Variants in LRP1B observed in about 807,000 individuals in gnomAD.
LRP1B encodes low-density lipoprotein receptor-related protein 1B.
LRP1B carries 217 observed loss-of-function variants against 556.6 expected under a neutral mutation model. That is an observed-to-expected ratio of 0.39 (90% CI 0.35 to 0.44). The LOEUF is 0.44. Ranked by LOEUF, LRP1B falls within the 20% of genes least tolerant of loss-of-function variation. The pLI is 1.00. For synonymous variants in LRP1B, 2,047 were observed against 1,865.8 expected (o/e 1.10, Z -2.50); for missense variants, 5,053 against 5,620.8 (o/e 0.90, Z 3.23).
At chr2:140,837,676 A>G (rs1691955518) in intron 31 of LRP1B, among the ~76,000 whole-genome samples, 1 of 152,090 alleles carries the variant, frequency 6.6e-6, no homozygotes, top group Non-Finnish European at 1.5e-5. Context: ...ATTCTCAGCA[A>G]ACTATCACCA....
intron 1 of LRP1B, among the ~76,000 whole-genome samples, chr2:142,058,377 C>T (rs368779042): frequency 5.9e-5 from 9 of 152,140 alleles, no homozygotes; most frequent in Admixed American, 4.6e-4. Context: ...CCTCCACCTT[C>T]GACCACTCCA....
At chr2:141,639,577 A>C (rs1689255507) in intron 2 of LRP1B, among the ~76,000 whole-genome samples, 1 of 151,098 alleles carries the variant, frequency 6.6e-6, no homozygotes, top group African/African-American at 2.4e-5. Context: ...ATGCTATTGA[A>C]CATTCTCCTG....
At chr2:141,731,538 C>G (rs1693273488) in intron 2 of LRP1B, among the ~76,000 whole-genome samples, 1 of 152,076 alleles carries the variant, frequency 6.6e-6, no homozygotes, top group East Asian at 1.9e-4. Context: ...TATTTTTTTC[C>G]TAAAGCTCAG....
chr2:142,119,307 T>C (rs1378888443), intron 1 of LRP1B, among the ~76,000 whole-genome samples: 1 of 152,186 alleles, frequency 6.6e-6, no homozygotes, highest in Non-Finnish European at 1.5e-5. Flanking sequence ...GTAAAGTATA[T>C]TCTTCCACAA....
chr2:140,867,699 G>A lies in LRP1B; in HGVS notation c.4470C>T (p.Asn1490=), dbSNP rs2105153737. ...TCCACTTATTGGCTTTGGACAATGT[G>A]TTGGTCCTCCAGTCTGTCCAGTAGA... ...SEVYWTDWRT[N]TLSKANKWTG... Residue 1490 remains asparagine, a synonymous_variant, in exon 27 of 91, where the codon AAC becomes AAT. Transcript: ENST00000389484. 1 of 1,613,538 alleles carries A rather than the reference G, an allele frequency of 6.2e-7. No homozygotes were observed. Among genetic ancestry groups the A allele is most frequent in the Middle Eastern group, 1.7e-4 (1 of 6,058 alleles).
At chr2:141,276,334 G>T (rs1306224063) in intron 3 of LRP1B, among the ~76,000 whole-genome samples, 1 of 151,552 alleles carries the variant, frequency 6.6e-6, no homozygotes, top group South Asian at 2.1e-4. Context: ...ACATGTGCAG[G>T]TTTGCTATAT....
chr2:141,808,825 A>G (rs1446296636), intron 2 of LRP1B, among the ~76,000 whole-genome samples: 5 of 152,060 alleles, frequency 3.3e-5, no homozygotes, highest in Admixed American at 3.3e-4. Flanking sequence ...TGCATCTTGT[A>G]TAATATGAAG....
At chr2:142,024,620 G>GTTTTTTTTTTTTTTTT (rs3041443) in intron 1 of LRP1B, among the ~76,000 whole-genome samples, 2 of 131,024 alleles carry the variant, frequency 1.5e-5, no homozygotes, top group African/African-American at 2.9e-5. Flanking sequence ...CAGCTGAAAT[G>GTTTTTTTTTTTTTTTT]TTTTTTTTTT....
intron 3 of LRP1B, among the ~76,000 whole-genome samples, chr2:141,327,895 A>G (rs1361455553): frequency 6.6e-6 from 1 of 152,278 alleles, no homozygotes; most frequent in East Asian, 1.9e-4. Context: ...AGAGAGAGAG[A>G]GAGAGACAGA....
chr2:141,549,158 A>G (rs1685660043), intron 2 of LRP1B, among the ~76,000 whole-genome samples: 1 of 152,214 alleles, frequency 6.6e-6, no homozygotes, highest in Non-Finnish European at 1.5e-5. Flanking sequence ...GTTAGACAAC[A>G]AAGTTTCAAT....
intron 2 of LRP1B, among the ~76,000 whole-genome samples, chr2:141,721,293 G>A (rs939377803): frequency 6.6e-6 from 1 of 152,034 alleles, no homozygotes; most frequent in Non-Finnish European, 1.5e-5. Flanking sequence ...TCATTTGATG[G>A]TGTTATTGCT....
At chr2:141,084,933 G>C (rs1218161426) in intron 7 of LRP1B, among the ~76,000 whole-genome samples, 1 of 152,142 alleles carries the variant, frequency 6.6e-6, no homozygotes, top group African/African-American at 2.4e-5. Context: ...ACAGGCGTGA[G>C]CCACCGCGCC....
chr2:140,290,391 G>C (rs1311929558), intron 84 of LRP1B, among the ~76,000 whole-genome samples: 1 of 152,064 alleles, frequency 6.6e-6, no homozygotes, highest in Non-Finnish European at 1.5e-5. Flanking sequence ...GACAAGGGAT[G>C]ATAAGAACCT....
At chr2:141,766,146 G>T (rs1694725175) in intron 2 of LRP1B, among the ~76,000 whole-genome samples, 1 of 152,132 alleles carries the variant, frequency 6.6e-6, no homozygotes, top group African/African-American at 2.4e-5. Context: ...AGAAAGGATT[G>T]TCAAGAAATA....
At chr2:141,931,918 G>A (rs927657931) in intron 1 of LRP1B, among the ~76,000 whole-genome samples, 9 of 151,966 alleles carry the variant, frequency 5.9e-5, no homozygotes, top group African/African-American at 1.7e-4. Context: ...GTGTCACTTC[G>A]TAATCTATAG....
At chr2:141,801,853 G>A (rs1247006217) in intron 2 of LRP1B, among the ~76,000 whole-genome samples, 5 of 151,908 alleles carry the variant, frequency 3.3e-5, no homozygotes, top group African/African-American at 1.2e-4. Flanking sequence ...TTTAATTGCT[G>A]GATTTTTCTT....
At chr2:140,432,324 C>T (rs1229482167) in intron 66 of LRP1B, among the ~76,000 whole-genome samples, 3 of 152,188 alleles carry the variant, frequency 2.0e-5, no homozygotes, top group South Asian at 2.1e-4. Context: ...GGACTCAGCC[C>T]GCCTGCACCC....
chr2:141,225,841 A>G lies in LRP1B; in HGVS notation c.850+3342T>C, dbSNP rs1350157836. Among the ~76,000 whole-genome samples, 3 of 152,094 alleles carry G rather than the reference A, an allele frequency of 2.0e-5. No homozygotes were observed. In the East Asian group the frequency reaches 5.8e-4, roughly 29 times the overall value. ...GGACTTTGAAGGAGGCCACATCAGA[A>G]TCATTGGGTGGGCCTTTTCAGTGCT... On this transcript the variant is annotated intron_variant, in intron 6 of 90. Coordinates refer to ENST00000389484, the MANE Select transcript of LRP1B (RefSeq NM_018557.3).
intron 3 of LRP1B, among the ~76,000 whole-genome samples, chr2:141,311,538 G>A (rs1389269040): frequency 2.0e-5 from 3 of 152,232 alleles, no homozygotes; most frequent in Middle Eastern, 3.4e-3. Context: ...TTAATCATAT[G>A]CAATTAGACC....
Sources: gnomAD v4.1 joint callset for allele counts (sites outside exome capture counted in the v4.1 genomes callset) on GRCh38, gnomAD v4.1.1 for gene constraint, MANE v1.5 for transcripts, NCBI Gene and HGNC (gene_info 2026-07-23, HGNC 2026-07-21) for gene names.